The following SOX6 variants were observed in gnomAD, a reference collection of about 807,000 sequenced individuals.
The protein encoded by SOX6 is SRY-box transcription factor 6, also known as transcription factor SOX-6.
In SOX6, 11 loss-of-function variants were observed where a neutral mutation model predicts 97.8. That is an observed-to-expected ratio of 0.11 (90% CI 0.07 to 0.19). SOX6 has a LOEUF of 0.19. Among genes scored for constraint, SOX6 ranks in the 10% least tolerant of loss-of-function variants. The probability of loss-of-function intolerance (pLI) is 1.00; values close to 1 mark genes in which losing one functional copy is unlikely to be tolerated. For missense variants in SOX6, 810 were observed against 1,039.5 expected (o/e 0.78, Z 3.04); for synonymous variants, 360 against 371.4 (o/e 0.97, Z 0.35).
chr11:16,350,685 C>A (rs1211484165), intron 1 of SOX6, among the ~76,000 whole-genome samples: 1 of 152,086 alleles, frequency 6.6e-6, no homozygotes, highest in Non-Finnish European at 1.5e-5. Flanking sequence ...ATCTTTCAGA[C>A]CCTGGGAGAT....
chr11:16,689,862 T>C (rs1847999038), intron 3 of SOX6, among the ~76,000 whole-genome samples: 1 of 152,136 alleles, frequency 6.6e-6, no homozygotes, highest in South Asian at 2.1e-4. Flanking sequence ...TTATCAGAGA[T>C]TGTGCATCTC....
At chr11:16,076,416 AAAAAG>A (rs1420263888) in intron 9 of SOX6, among the ~76,000 whole-genome samples, 1 of 151,954 alleles carries the variant, frequency 6.6e-6, no homozygotes, top group African/African-American at 2.4e-5. Flanking sequence ...AAAAAAAAAA[AAAAAG>A]AACCCCAGTA....
upstream of SOX6, among the ~76,000 whole-genome samples, chr11:16,357,502 A>T (rs1857104622): frequency 2.6e-5 from 4 of 152,122 alleles, no homozygotes; most frequent in Admixed American, 2.6e-4. Context: ...GGAATTCTTA[A>T]AGACGTATGT....
At chr11:16,565,857 G>A (rs1010523221) in intron 4 of SOX6, among the ~76,000 whole-genome samples, 12 of 150,196 alleles carry the variant, frequency 8.0e-5, no homozygotes, top group African/African-American at 2.9e-4. Flanking sequence ...AGCACTTTGG[G>A]AGGCCAAGGT....
intron 2 of SOX6, among the ~76,000 whole-genome samples, chr11:16,333,821 T>C (rs1184221519): frequency 6.6e-6 from 1 of 152,182 alleles, no homozygotes; most frequent in Non-Finnish European, 1.5e-5. Flanking sequence ...TTTGGTCATA[T>C]AGAAGTATTT....
intron 13 of SOX6, among the ~76,000 whole-genome samples, chr11:15,994,666 GAAA>G (rs1188988636): frequency 6.6e-6 from 1 of 151,964 alleles, no homozygotes; most frequent in Non-Finnish European, 1.5e-5. Flanking sequence ...TAGAATAGAG[GAAA>G]AATAAAGTGA....
intron 3 of SOX6, among the ~76,000 whole-genome samples, chr11:16,267,289 T>C (rs1565058572): frequency 6.6e-6 from 1 of 151,438 alleles, no homozygotes; most frequent in Non-Finnish European, 1.5e-5. Context: ...TTACAAGCCA[T>C]ACATCTGATA....
chr11:16,049,248 G>A (rs1365625915), intron 11 of SOX6, among the ~76,000 whole-genome samples: 1 of 152,028 alleles, frequency 6.6e-6, no homozygotes, highest in Non-Finnish European at 1.5e-5. Flanking sequence ...CATATATGGG[G>A]GAGTATAAGG....
chr11:15,983,428 T>A (rs959720689), intron 15 of SOX6, among the ~76,000 whole-genome samples: 2 of 152,128 alleles, frequency 1.3e-5, no homozygotes, highest in African/African-American at 4.8e-5. Flanking sequence ...TGTTGAGCAG[T>A]ATATGCACTT....
chr11:16,719,273 T>C (rs1312588240), intron 2 of SOX6, among the ~76,000 whole-genome samples: 1 of 152,162 alleles, frequency 6.6e-6, no homozygotes, highest in Admixed American at 6.5e-5. Flanking sequence ...AGAATAGGAA[T>C]CATTTGCGTT....
intron 4 of SOX6, among the ~76,000 whole-genome samples, chr11:16,597,279 A>G (rs1824108769): frequency 1.3e-5 from 2 of 151,810 alleles, no homozygotes; most frequent in South Asian, 4.1e-4. Context: ...ACCGTTATCC[A>G]GAACTGTTCT....
intron 6 of SOX6, among the ~76,000 whole-genome samples, chr11:16,159,565 G>A (rs1322707207): frequency 6.6e-6 from 1 of 152,046 alleles, no homozygotes; most frequent in Non-Finnish European, 1.5e-5. Flanking sequence ...AGACCTTTAT[G>A]CAGTATTCTG....
intron 3 of SOX6, among the ~76,000 whole-genome samples, chr11:16,704,848 G>A (rs543016134): frequency 7.2e-5 from 11 of 152,282 alleles, no homozygotes; most frequent in African/African-American, 2.6e-4. Flanking sequence ...TGTTTTGAAA[G>A]GGAAAGAAAA....
intron 3 of SOX6, among the ~76,000 whole-genome samples, chr11:16,645,345 G>GT (rs1590034428): frequency 6.6e-6 from 1 of 152,100 alleles, no homozygotes; most frequent in African/African-American, 2.4e-5. Context: ...TCCTAGAATA[G>GT]TTTTTTACCA....
intron 6 of SOX6, among the ~76,000 whole-genome samples, chr11:16,142,098 C>A (rs368046856): frequency 1.3e-5 from 2 of 152,134 alleles, no homozygotes; most frequent in African/African-American, 4.8e-5. Context: ...CTGGGAGGCA[C>A]CCCCAGTAGG....
At chr11:16,129,836 A>G (rs1849695840) in intron 6 of SOX6, among the ~76,000 whole-genome samples, 2 of 152,150 alleles carry the variant, frequency 1.3e-5, no homozygotes, top group Admixed American at 6.5e-5. Flanking sequence ...AAACACCTAC[A>G]GCTAATATCA....
At chr11:16,190,727 T>C (rs1187327337) in intron 4 of SOX6, among the ~76,000 whole-genome samples, 2 of 152,232 alleles carry the variant, frequency 1.3e-5, no homozygotes, top group African/African-American at 4.8e-5. Flanking sequence ...GGGGCTCAAA[T>C]TAGGGAAAAA....
intron 4 of SOX6, among the ~76,000 whole-genome samples, chr11:16,196,135 C>A (rs1476574616): frequency 6.6e-6 from 1 of 152,216 alleles, no homozygotes; most frequent in East Asian, 1.9e-4. Flanking sequence ...ACTACAATTG[C>A]TTTGCACTGG....
intron 9 of SOX6, among the ~76,000 whole-genome samples, chr11:16,063,514 AT>A (rs1848013830): frequency 4.0e-5 from 2 of 49,386 alleles, no homozygotes; most frequent in African/African-American, 1.9e-4. Flanking sequence ...ATATATATAT[AT>A]ATATATATAT....
Sources: gnomAD v4.1 joint callset for allele counts (sites outside exome capture counted in the v4.1 genomes callset) on GRCh38, gnomAD v4.1.1 for gene constraint, MANE v1.5 for transcripts, NCBI Gene and HGNC (gene_info 2026-07-23, HGNC 2026-07-21) for gene names.